Variants in GALNT13 observed in about 807,000 individuals in gnomAD.
GALNT13 encodes UDP-GalNAc:polypeptide N-acetylgalactosaminyltransferase 13.
A neutral mutation model predicts 64.2 loss-of-function variants in GALNT13; 28 were observed. The observed-to-expected ratio is 0.44, with a 90% CI of 0.32 to 0.60. The LOEUF is 0.60. GALNT13 is among the 20% of genes least tolerant of loss of function. The probability of loss-of-function intolerance (pLI) is 0.05; values close to 1 mark genes in which losing one functional copy is unlikely to be tolerated. For missense variants in GALNT13, 577 were observed against 669.8 expected (o/e 0.86, Z 1.53); for synonymous variants, 214 against 224.6 (o/e 0.95, Z 0.42).
chr2:154,040,010 G>A (rs1698889273), intron 3 of GALNT13, among the ~76,000 whole-genome samples: 1 of 140,624 alleles, frequency 7.1e-6, no homozygotes, highest in South Asian at 2.3e-4. Flanking sequence ...TGTTTTTTAA[G>A]TTCACTTTAC....
chr2:153,215,592 A>G, the GALNT13 span, among the ~76,000 whole-genome samples: 2 of 152,114 alleles, frequency 1.3e-5, no homozygotes, highest in Admixed American at 6.5e-5. Flanking sequence ...CAAGGACACA[A>G]AAGAAGGGGA....
chr2:154,046,798 T>C (rs1699313917), intron 3 of GALNT13, among the ~76,000 whole-genome samples: 1 of 152,120 alleles, frequency 6.6e-6, no homozygotes, highest in Non-Finnish European at 1.5e-5. Flanking sequence ...CATCTGAGGA[T>C]ACAGGAAGAA....
At chr2:153,683,843 G>T in the GALNT13 span, among the ~76,000 whole-genome samples, 3 of 151,664 alleles carry the variant, frequency 2.0e-5, no homozygotes, top group Non-Finnish European at 4.4e-5. Context: ...AACAGTAAAT[G>T]CTTTGATATT....
the GALNT13 span, among the ~76,000 whole-genome samples, chr2:153,093,964 G>A: frequency 0.34 from 50,913 of 151,876 alleles, 9,415 homozygotes; most frequent in Non-Finnish European, 0.44. Context: ...TTATTAGCAT[G>A]TAGTTGCTCA....
the GALNT13 span, among the ~76,000 whole-genome samples, chr2:153,459,097 A>G: frequency 6.6e-6 from 1 of 152,166 alleles, no homozygotes; most frequent in Non-Finnish European, 1.5e-5. Context: ...GTAAGGTTTC[A>G]TGAAACTCAT....
At chr2:153,574,750 G>A in the GALNT13 span, among the ~76,000 whole-genome samples, 1 of 145,506 alleles carries the variant, frequency 6.9e-6, no homozygotes, top group African/African-American at 2.6e-5. Flanking sequence ...GTGGAATTCT[G>A]AATTCTTTGA....
At chr2:153,803,098 T>C in the GALNT13 span, among the ~76,000 whole-genome samples, 1 of 152,212 alleles carries the variant, frequency 6.6e-6, no homozygotes, top group Non-Finnish European at 1.5e-5. Context: ...TCTATTTTAA[T>C]GCCTGTAATT....
the GALNT13 span, among the ~76,000 whole-genome samples, chr2:153,197,770 G>A: frequency 6.6e-6 from 1 of 152,232 alleles, no homozygotes. Flanking sequence ...GCCACCCCAC[G>A]AAGGTGGGTT....
At chr2:153,887,725 T>G (rs1320610040) in intron 1 of GALNT13, among the ~76,000 whole-genome samples, 1 of 152,020 alleles carries the variant, frequency 6.6e-6, no homozygotes, top group Non-Finnish European at 1.5e-5. Flanking sequence ...TGTTCTGTGT[T>G]AAGTGACAGC....
the GALNT13 span, among the ~76,000 whole-genome samples, chr2:153,791,295 G>A: frequency 6.6e-6 from 1 of 152,138 alleles, no homozygotes; most frequent in African/African-American, 2.4e-5. Flanking sequence ...CTGATCATTA[G>A]AGAAGTGCAA....
the GALNT13 span, among the ~76,000 whole-genome samples, chr2:153,674,644 A>C: frequency 1.4e-4 from 22 of 152,138 alleles, no homozygotes; most frequent in Non-Finnish European, 8.8e-5. Context: ...GCATAGGCAA[A>C]GACTTCATGA....
intron 3 of GALNT13, among the ~76,000 whole-genome samples, chr2:153,980,092 T>G (rs1247787668): frequency 6.6e-6 from 1 of 152,206 alleles, no homozygotes; most frequent in Non-Finnish European, 1.5e-5. Flanking sequence ...TATGATCTCC[T>G]TTGTGCCAAG....
the GALNT13 span, chr2:153,478,900 C>T: frequency 9.5e-6 from 3 of 314,390 alleles, no homozygotes; most frequent in Non-Finnish European, 1.8e-5. Context: ...GGTGGCTGCG[C>T]TGAGCAAACA....
chr2:154,331,022 G>T (rs1398197739), intron 9 of GALNT13, among the ~76,000 whole-genome samples: 1 of 151,962 alleles, frequency 6.6e-6, no homozygotes, highest in Non-Finnish European at 1.5e-5. Flanking sequence ...TAATATGCCT[G>T]GACACTGTTT....
At chr2:154,080,488 TA>T (rs1476664383) in intron 3 of GALNT13, among the ~76,000 whole-genome samples, 2 of 151,604 alleles carry the variant, frequency 1.3e-5, no homozygotes, top group Non-Finnish European at 3.0e-5. Context: ...GATTAAATTC[TA>T]GACCCAACAT....
chr2:154,078,106 TAAAC>T (rs1029487119), intron 3 of GALNT13, among the ~76,000 whole-genome samples: 3 of 151,538 alleles, frequency 2.0e-5, no homozygotes, highest in African/African-American at 7.2e-5. Context: ...AAACAGTTAT[TAAAC>T]AAAGTGAAAG....
intron 8 of GALNT13, among the ~76,000 whole-genome samples, chr2:154,262,877 A>T (rs180890623): frequency 3.9e-4 from 60 of 152,280 alleles, no homozygotes; most frequent in African/African-American, 1.4e-3. Context: ...TAAAATAGTG[A>T]TAAAATGAAC....
chr2:153,109,074 T>C, the GALNT13 span, among the ~76,000 whole-genome samples: 1 of 152,182 alleles, frequency 6.6e-6, no homozygotes, highest in African/African-American at 2.4e-5. Context: ...ATACTAGAGA[T>C]GTCTAGATTG....
intron 8 of GALNT13, among the ~76,000 whole-genome samples, chr2:154,271,941 G>A (rs1047367403): frequency 6.6e-6 from 1 of 151,800 alleles, no homozygotes; most frequent in African/African-American, 2.4e-5. Context: ...TCCTGAATGA[G>A]TTGGAACTAG....
Sources: allele counts gnomAD v4.1 joint callset (sites outside exome capture counted in the v4.1 genomes callset), GRCh38; gene constraint gnomAD v4.1.1; transcripts MANE v1.5; gene names NCBI Gene and HGNC (gene_info 2026-07-23, HGNC 2026-07-21).